Variants in PPFIA2 observed in about 807,000 individuals in gnomAD.
PPFIA2 encodes the protein liprin-alpha-2.
A neutral mutation model predicts 175.5 loss-of-function variants in PPFIA2; 46 were observed. The ratio of observed to expected loss-of-function variants is 0.26; its 90% confidence interval spans 0.21 to 0.34. The LOEUF (loss-of-function observed/expected upper bound fraction) is 0.34. Ranked by LOEUF, PPFIA2 falls within the 10% of genes least tolerant of loss-of-function variation. The probability of loss-of-function intolerance (pLI) is 1.00; values close to 1 mark genes in which losing one functional copy is unlikely to be tolerated. For synonymous variants in PPFIA2, 568 were observed against 511.4 expected (o/e 1.11, Z -1.49); for missense variants, 1,179 against 1,506.1 (o/e 0.78, Z 3.60).
At chr12:81,695,569 C>T (rs1446664377) in intron 3 of PPFIA2, among the ~76,000 whole-genome samples, 1 of 152,088 alleles carries the variant, frequency 6.6e-6, no homozygotes, top group Middle Eastern at 3.2e-3. Flanking sequence ...GCCAATTAAA[C>T]TTTTTTTCTT....
At chr12:81,558,259 G>C (rs1178756828) in intron 4 of PPFIA2, among the ~76,000 whole-genome samples, 1 of 152,026 alleles carries the variant, frequency 6.6e-6, no homozygotes. Context: ...AATATATAGA[G>C]AATCATATTC....
chr12:81,661,194 A>T (rs571530993), intron 4 of PPFIA2, among the ~76,000 whole-genome samples: 81 of 152,336 alleles, frequency 5.3e-4, no homozygotes, highest in African/African-American at 1.9e-3. Context: ...TTCACACGTT[A>T]ACAATATTGA....
intron 22 of PPFIA2, among the ~76,000 whole-genome samples, chr12:81,307,453 T>A (rs1308804184): frequency 6.6e-6 from 1 of 152,212 alleles, no homozygotes; most frequent in Non-Finnish European, 1.5e-5. Context: ...AACTTCCAAC[T>A]GTTCATTGCA....
intron 4 of PPFIA2, among the ~76,000 whole-genome samples, chr12:81,479,877 A>G (rs779646774): frequency 1.3e-5 from 2 of 151,966 alleles, no homozygotes; most frequent in Non-Finnish European, 2.9e-5. Context: ...TCTGATGATT[A>G]TGTGTCTTGG....
chr12:81,680,857 C>T (rs150726612), intron 3 of PPFIA2, among the ~76,000 whole-genome samples: 8 of 152,000 alleles, frequency 5.3e-5, no homozygotes, highest in Non-Finnish European at 1.2e-4. Flanking sequence ...AAGTGAGGTG[C>T]CTATAGTGCA....
At chr12:81,288,089 G>A (rs2043943551) in intron 24 of PPFIA2, among the ~76,000 whole-genome samples, 1 of 151,680 alleles carries the variant, frequency 6.6e-6, no homozygotes, top group African/African-American at 2.4e-5. Context: ...TAGAATCAAG[G>A]GGCTTGAGTT....
At chr12:81,307,264 C>G (rs1222330405) in intron 22 of PPFIA2, among the ~76,000 whole-genome samples, 2 of 152,152 alleles carry the variant, frequency 1.3e-5, no homozygotes, top group African/African-American at 2.4e-5. Flanking sequence ...CAACCCAAGA[C>G]AGTAAAATCC....
chr12:81,496,738 A>T (rs1331576628), intron 4 of PPFIA2, among the ~76,000 whole-genome samples: 1 of 152,232 alleles, frequency 6.6e-6, no homozygotes, highest in Non-Finnish European at 1.5e-5. Context: ...ATGTAGAAAT[A>T]AAACTGAAGG....
intron 3 of PPFIA2, among the ~76,000 whole-genome samples, chr12:81,714,020 G>A (rs570814323): frequency 3.4e-4 from 52 of 151,208 alleles, no homozygotes; most frequent in Non-Finnish European, 7.2e-4. Flanking sequence ...AATGAGGAAC[G>A]ATCTGTGAAG....
In PPFIA2 at chr12:81,457,851, T is replaced by C; in HGVS notation, c.319A>G (p.Thr107Ala). The C allele has an allele frequency of 6.2e-7, 1 of 1,601,168 alleles. No homozygotes were observed. Among genetic ancestry groups the C allele is most frequent in the Non-Finnish European group, 8.5e-7 (1 of 1,173,946 alleles). Residue 107 changes from threonine to alanine, a missense_variant, in exon 5 of 33, where the codon ACA becomes GCA. Coordinates refer to ENST00000549396, the MANE Select transcript of PPFIA2 (RefSeq NM_003625.5). ...GADPPEFAAL[T>A]KELNACREQL... ...TCCCTGCAGGCATTTAATTCTTTTG[T>C]CAGTGCAGCAAATTCCTGGAAAAGT...
chr12:81,613,569 T>C (rs1330270390), intron 4 of PPFIA2, among the ~76,000 whole-genome samples: 2 of 152,200 alleles, frequency 1.3e-5, no homozygotes, highest in Non-Finnish European at 2.9e-5. Context: ...TGATACACTG[T>C]GCAGTAATCA....
chr12:81,668,628 C>A (rs947472876), intron 4 of PPFIA2, among the ~76,000 whole-genome samples: 2 of 151,938 alleles, frequency 1.3e-5, no homozygotes, highest in South Asian at 2.1e-4. Context: ...GAGTAAAAAC[C>A]CTGCAGTACT....
At chr12:81,545,764 G>A (rs1254730236) in intron 4 of PPFIA2, 2 of 152,072 alleles carry the variant, frequency 1.3e-5, no homozygotes, top group East Asian at 3.9e-4. Context: ...TAAACTACAA[G>A]GTAGAAGCAC....
intron 6 of PPFIA2, among the ~76,000 whole-genome samples, chr12:81,443,129 TC>T (rs2145152762): frequency 6.6e-6 from 1 of 151,688 alleles, no homozygotes; most frequent in East Asian, 2.0e-4. Flanking sequence ...ATAATAATAT[TC>T]ATAAACGTTC....
At chr12:81,293,069 C>T (rs1445731138) in intron 24 of PPFIA2, among the ~76,000 whole-genome samples, 1 of 151,766 alleles carries the variant, frequency 6.6e-6, no homozygotes, top group Non-Finnish European at 1.5e-5. Context: ...AAAAGTTATA[C>T]TTGTTACTTT....
intron 4 of PPFIA2, among the ~76,000 whole-genome samples, chr12:81,606,717 C>T (rs553379477): frequency 6.6e-6 from 1 of 152,074 alleles, no homozygotes; most frequent in Admixed American, 6.6e-5. Flanking sequence ...TATTAGACCT[C>T]TGTCAGACAC....
chr12:81,381,067 T>G (rs916996234), intron 9 of PPFIA2, among the ~76,000 whole-genome samples: 2 of 151,680 alleles, frequency 1.3e-5, no homozygotes, highest in Non-Finnish European at 2.9e-5. Flanking sequence ...TTCACAGGTT[T>G]CATCAACGCC....
chr12:81,484,072 TG>T (rs2146805163), intron 4 of PPFIA2, among the ~76,000 whole-genome samples: 1 of 152,108 alleles, frequency 6.6e-6, no homozygotes, highest in South Asian at 2.1e-4. Context: ...AAAAATAATG[TG>T]GCATTACCTG....
At chr12:81,621,056 T>A (rs530958616) in intron 4 of PPFIA2, among the ~76,000 whole-genome samples, 25 of 152,294 alleles carry the variant, frequency 1.6e-4, no homozygotes, top group African/African-American at 6.0e-4. Flanking sequence ...AATTTATATA[T>A]CATGGTAGAA....
Sources: gnomAD v4.1 joint callset for allele counts (sites outside exome capture counted in the v4.1 genomes callset) on GRCh38, gnomAD v4.1.1 for gene constraint, MANE v1.5 for transcripts, NCBI Gene and HGNC (gene_info 2026-07-23, HGNC 2026-07-21) for gene names.